The following PARD3 variants were observed in gnomAD, a reference collection of about 807,000 sequenced individuals.
The protein encoded by PARD3 is partitioning defective 3 homolog.
Under a neutral mutation model 155.4 loss-of-function variants are expected in PARD3, and 75 were observed. The ratio of observed to expected loss-of-function variants is 0.48; its 90% CI spans 0.40 to 0.58. PARD3 has a LOEUF of 0.58. Ranked by LOEUF, PARD3 falls within the 20% of genes least tolerant of loss-of-function variation. The probability of loss-of-function intolerance (pLI) is 0.00; values close to 1 mark genes in which losing one functional copy is unlikely to be tolerated. For synonymous variants in PARD3, 576 were observed against 610.5 expected (o/e 0.94, Z 0.83); for missense variants, 1,642 against 1,721.7 (o/e 0.95, Z 0.82).
intron 2 of PARD3, among the ~76,000 whole-genome samples, chr10:34,560,495 A>C (rs1180208552): frequency 6.6e-6 from 1 of 152,378 alleles, no homozygotes; most frequent in Middle Eastern, 3.4e-3. Context: ...CAATGTCACA[A>C]AAAAACAAAA....
At chr10:34,497,771 A>T (rs1041519280) in intron 3 of PARD3, among the ~76,000 whole-genome samples, 1 of 152,190 alleles carries the variant, frequency 6.6e-6, no homozygotes, top group African/African-American at 2.4e-5. Context: ...GCGGGTCAAG[A>T]TGTGGCCTCA....
At chr10:34,368,181 G>A (rs943994474) in intron 12 of PARD3, among the ~76,000 whole-genome samples, 1 of 152,118 alleles carries the variant, frequency 6.6e-6, no homozygotes. Context: ...CCCAGGAGGC[G>A]GAGGCTCCAG....
At chr10:34,709,366 A>T (rs756065759) in intron 1 of PARD3, among the ~76,000 whole-genome samples, 1 of 152,204 alleles carries the variant, frequency 6.6e-6, no homozygotes, top group Non-Finnish European at 1.5e-5. Context: ...CCAATTTGGG[A>T]GCATTTCATA....
chr10:34,802,920 G>C (rs1275190080), intron 1 of PARD3, among the ~76,000 whole-genome samples: 1 of 151,860 alleles, frequency 6.6e-6, no homozygotes, highest in African/African-American at 2.4e-5. Flanking sequence ...CACAAAGCAG[G>C]TGGTATTAAA....
intron 20 of PARD3, among the ~76,000 whole-genome samples, chr10:34,316,479 C>T (rs1469808472): frequency 1.3e-5 from 2 of 152,106 alleles, no homozygotes; most frequent in East Asian, 1.9e-4. Context: ...CTTTACAGAC[C>T]GAAGTAATAA....
chr10:34,750,500 CACACACACACCCTAA>C, intron 1 of PARD3, among the ~76,000 whole-genome samples: 1 of 145,932 alleles, frequency 6.9e-6, no homozygotes, highest in South Asian at 2.1e-4. Context: ...CACACACACA[CACACACACACCCTAA>C]GACTATAGAG....
chr10:34,283,351 C>T (rs150909320), intron 21 of PARD3, among the ~76,000 whole-genome samples: 16 of 152,180 alleles, frequency 1.1e-4, no homozygotes, highest in African/African-American at 3.6e-4. Context: ...GCTGTGGCTG[C>T]TCAGAAAATG....
chr10:34,693,860 C>T (rs1023413446), intron 2 of PARD3, among the ~76,000 whole-genome samples: 2 of 152,062 alleles, frequency 1.3e-5, no homozygotes, highest in African/African-American at 4.8e-5. Flanking sequence ...GCCATGTTGG[C>T]ATAGCTATGG....
intron 1 of PARD3, among the ~76,000 whole-genome samples, chr10:34,768,606 C>T (rs542918830): frequency 6.6e-6 from 1 of 152,330 alleles, no homozygotes; most frequent in East Asian, 1.9e-4. Flanking sequence ...TCCCAGCTTG[C>T]CTTTTCCCTG....
intron 2 of PARD3, among the ~76,000 whole-genome samples, chr10:34,611,672 C>CA (rs1564414963): frequency 6.6e-6 from 1 of 152,054 alleles, no homozygotes; most frequent in Non-Finnish European, 1.5e-5. Flanking sequence ...GAACCAACCA[C>CA]AAAAATCCTG....
rs372168227 is a variant in PARD3, at chr10:34,548,751, C to T, written c.223-31592G>A. ...GCCAGGAACTAAATAAAAGGGCCAC[C>T]GAGAAGGCAGCCTTTTATTGGCTTT... On this transcript the variant is annotated intron_variant, in intron 2 of 24. Coordinates refer to ENST00000374788, the MANE Select transcript of PARD3 (RefSeq NM_001184785.2). Among the ~76,000 whole-genome samples, 17 of 151,840 alleles carry T rather than the reference C, an allele frequency of 1.1e-4. No individual in the cohort carries two copies. The East Asian group carries it at 2.3e-3, about 21-fold the overall frequency.
chr10:34,168,497 C>A (rs1038240186), intron 22 of PARD3, among the ~76,000 whole-genome samples: 1 of 152,176 alleles, frequency 6.6e-6, no homozygotes, highest in African/African-American at 2.4e-5. Flanking sequence ...CAAGGCCACA[C>A]ATTGCTATGT....
intron 21 of PARD3, among the ~76,000 whole-genome samples, chr10:34,270,688 A>G (rs1005241675): frequency 2.6e-4 from 40 of 152,310 alleles, no homozygotes; most frequent in Non-Finnish European, 4.3e-4. Context: ...AATCCACACC[A>G]TAACTCTTCA....
At chr10:34,250,503 G>A (rs73270750) in intron 22 of PARD3, among the ~76,000 whole-genome samples, 555 of 152,096 alleles carry the variant, frequency 3.6e-3, no homozygotes, top group African/African-American at 0.013. Context: ...ATTCCTTGAC[G>A]GGCATTTAGC....
At chr10:34,617,862 TTA>T (rs1172037263) in intron 2 of PARD3, among the ~76,000 whole-genome samples, 5 of 152,284 alleles carry the variant, frequency 3.3e-5, no homozygotes, top group South Asian at 4.1e-4. Context: ...AATTATACAT[TTA>T]TTTTTTTTTA....
chr10:34,213,655 G>A (rs1278419303), intron 22 of PARD3, among the ~76,000 whole-genome samples: 1 of 152,142 alleles, frequency 6.6e-6, no homozygotes, highest in Non-Finnish European at 1.5e-5. Flanking sequence ...ATAAAAGAGA[G>A]AGGCCTTCAA....
intron 19 of PARD3, among the ~76,000 whole-genome samples, chr10:34,324,817 A>G (rs1958587910): frequency 6.6e-6 from 1 of 152,106 alleles, no homozygotes; most frequent in African/African-American, 2.4e-5. Context: ...GCCCGTAAAC[A>G]GTTTCTTCCT....
At chr10:34,465,297 A>G (rs113206243) in intron 4 of PARD3, among the ~76,000 whole-genome samples, 5 of 152,280 alleles carry the variant, frequency 3.3e-5, no homozygotes, top group African/African-American at 1.2e-4. Context: ...ATATGCAAAG[A>G]GCAAGCTGTA....
intron 2 of PARD3, among the ~76,000 whole-genome samples, chr10:34,633,447 G>A (rs192105816): frequency 5.8e-4 from 88 of 151,332 alleles, no homozygotes; most frequent in African/African-American, 2.0e-3. Flanking sequence ...GGCAGTATTT[G>A]TCTTTCTGTG....
Sources: gnomAD v4.1 joint callset for allele counts (sites outside exome capture counted in the v4.1 genomes callset) on GRCh38, gnomAD v4.1.1 for gene constraint, MANE v1.5 for transcripts, NCBI Gene and HGNC (gene_info 2026-07-23, HGNC 2026-07-21) for gene names.